LSG1: variants seen among roughly 807,000 people sequenced by gnomAD.
The protein encoded by LSG1 is large subunit GTPase 1 homolog.
In LSG1, 55 loss-of-function variants were observed where a neutral mutation model predicts 82.6. That is an observed-to-expected ratio of 0.67 (90% CI 0.54 to 0.83). The LOEUF (loss-of-function observed/expected upper bound fraction) is 0.83, where lower values mean the gene tolerates loss of function less well. Ranked by LOEUF, LSG1 falls within the 40% of genes least tolerant of loss-of-function variation. The probability of loss-of-function intolerance (pLI) is 0.00; values close to 1 mark genes in which losing one functional copy is unlikely to be tolerated. For synonymous variants in LSG1, 272 were observed against 282.5 expected (o/e 0.96, Z 0.37); for missense variants, 809 against 807.9 (o/e 1.00, Z -0.02).
In LSG1 at chr3:194,651,013, C is replaced by T. The variant is rs374269703; in HGVS notation, c.1287G>A (p.Val429=). Residue 429 remains valine, a synonymous_variant, in exon 10 of 14, where the codon GTG becomes GTA. Coordinates refer to ENST00000265245, the MANE Select transcript of LSG1 (RefSeq NM_018385.3). ...GHTKHFQTLY[V]EPGLCLCDCP... is the part of the protein sequence containing the mutation. Reference sequence around the variant, plus strand: ...AGTCACACAGGCAGAGGCCAGGCTCCACATAGAGAGTCTGGAAGACAAGCA... The same window carrying T: ...AGTCACACAGGCAGAGGCCAGGCTCTACATAGAGAGTCTGGAAGACAAGCA... 2.5e-6 allele frequency: 4 copies of T among 1,613,874 alleles called. No homozygotes were observed. The East Asian group carries it at 8.9e-5, about 36-fold the overall frequency.
At chr3:194,667,943 ATATATATAT>A (rs368323480) in intron 2 of LSG1, among the ~76,000 whole-genome samples, 28 of 62,248 alleles carry the variant, frequency 4.5e-4, no homozygotes, top group African/African-American at 1.9e-3. Context: ...AAAAAAAAAA[ATATATATAT>A]ATATATATAT....
intron 7 of LSG1, among the ~76,000 whole-genome samples, chr3:194,653,523 A>AG (rs1718727857): frequency 6.6e-6 from 1 of 151,694 alleles, no homozygotes; most frequent in Non-Finnish European, 1.5e-5. Context: ...CACAAAAAAA[A>AG]AAAAAAGATG....
In LSG1 at chr3:194,672,130, C is replaced by A; in HGVS notation, c.33G>T (p.Ser11=). 2 of 1,606,740 alleles carry A rather than the reference C, an allele frequency of 1.2e-6. No homozygotes were observed. Residue 11 remains serine, a synonymous_variant, in exon 1 of 14, where the codon TCG becomes TCT. Coordinates refer to ENST00000265245, the MANE Select transcript of LSG1 (RefSeq NM_018385.3). MGRRRAPAGG[S]LGRALMRHQT... is the part of the protein sequence containing the mutation. The stretch of plus-strand genomic sequence containing the variant: ...GATGGCGCATAAGGGCCCGTCCCAG[C>A]GACCCACCGGCCGGGGCTCTCCTCC...
chr3:194,645,868 T>C (rs1357104460), intron 12 of LSG1, among the ~76,000 whole-genome samples: 2 of 152,192 alleles, frequency 1.3e-5, no homozygotes, highest in African/African-American at 4.8e-5. Context: ...TATAAACAGC[T>C]ATACTACAAA....
At chr3:194,662,647 A>G (rs1053443405) in intron 5 of LSG1, among the ~76,000 whole-genome samples, 4 of 152,166 alleles carry the variant, frequency 2.6e-5, no homozygotes, top group African/African-American at 9.7e-5. Context: ...CTGTAATCCC[A>G]GCTACTCGGG....
chr3:194,647,660 T>C (rs970711174), intron 11 of LSG1, among the ~76,000 whole-genome samples: 2 of 152,234 alleles, frequency 1.3e-5, no homozygotes, highest in African/African-American at 4.8e-5. Context: ...TTTTCAGTTG[T>C]ATCGGAAGTA....
intron 10 of LSG1, 138 bp from the exon 11 acceptor site, chr3:194,648,942 G>C: frequency 1.2e-6 from 1 of 828,008 alleles, no homozygotes; most frequent in African/African-American, 1.7e-5. Context: ...GATAGTTTTT[G>C]ATTAATCTAA....
intron 10 of LSG1, among the ~76,000 whole-genome samples, chr3:194,649,876 A>G (rs553059740): frequency 2.4e-4 from 37 of 152,158 alleles, no homozygotes; most frequent in African/African-American, 6.7e-4. Context: ...TTATTAGCTT[A>G]TAAGTAGAGT....
intron 13 of LSG1, 42 bp from the exon 14 acceptor site, chr3:194,642,289 T>C: frequency 1.9e-6 from 3 of 1,579,998 alleles, no homozygotes; most frequent in Non-Finnish European, 1.7e-6. Flanking sequence ...GTCAGCAGGC[T>C]ATCCTTTAAG....
chr3:194,659,048 C>T lies in LSG1; in HGVS notation c.668G>A (p.Ser223Asn), dbSNP rs1718867063. The T allele has an allele frequency of 3.7e-6, 6 of 1,614,228 alleles. No individual in the cohort carries two copies. In the African/African-American group the frequency reaches 4.0e-5, roughly 11 times the overall value. ...KADLLTAEQR[S>N]AWAMYFEKED... Reference sequence around the variant, plus strand: ...TTTTTCGAAGTACATGGCCCAGGCACTCCGCTGCTCAGCAGTCAGCAAGTC... The same window carrying T: ...TTTTTCGAAGTACATGGCCCAGGCATTCCGCTGCTCAGCAGTCAGCAAGTC... The change falls in exon 7 of 14, where the codon AGT (serine) becomes AAT (asparagine). Residue 223 changes from serine (S) to asparagine (N), a missense_variant. Coordinates refer to ENST00000265245, the MANE Select transcript of LSG1 (RefSeq NM_018385.3).
intron 12 of LSG1, chr3:194,645,535 G>GACACACACAC (rs61447438): frequency 7.4e-4 from 26 of 34,992 alleles, no homozygotes; most frequent in African/African-American, 2.1e-3. Context: ...CACACAGACA[G>GACACACACAC]ACACACACAC....
intron 5 of LSG1, among the ~76,000 whole-genome samples, chr3:194,661,212 C>A (rs1333435901): frequency 6.6e-6 from 1 of 152,170 alleles, no homozygotes; most frequent in Non-Finnish European, 1.5e-5. Context: ...TAATTTTGGA[C>A]AAATTGTTTT....
intron 5 of LSG1, among the ~76,000 whole-genome samples, chr3:194,661,048 T>C (rs1718918966): frequency 6.6e-6 from 1 of 152,194 alleles, no homozygotes; most frequent in Non-Finnish European, 1.5e-5. Flanking sequence ...CTTATTCTGT[T>C]AACCAGCCTT....
chr3:194,655,444 C>T (rs1322294242), intron 7 of LSG1, among the ~76,000 whole-genome samples: 1 of 152,012 alleles, frequency 6.6e-6, no homozygotes, highest in East Asian at 1.9e-4. Flanking sequence ...CCAGGAAAGA[C>T]TGGAAACAAT....
chr3:194,642,322 G>A, intron 13 of LSG1, 75 bp from the exon 14 acceptor site: 2 of 1,278,922 alleles, frequency 1.6e-6, no homozygotes, highest in Non-Finnish European at 2.1e-6. Context: ...TACTATTAGT[G>A]GATCACTTCA....
intron 5 of LSG1, among the ~76,000 whole-genome samples, chr3:194,664,282 A>G (rs1173939937): frequency 3.3e-5 from 5 of 152,184 alleles, no homozygotes; most frequent in South Asian, 2.1e-4. Context: ...GCTAAATGTG[A>G]TAAGATTCTT....
chr3:194,642,943 T>C (rs2108613709), intron 13 of LSG1, among the ~76,000 whole-genome samples: 1 of 152,366 alleles, frequency 6.6e-6, no homozygotes, highest in African/African-American at 2.4e-5. Context: ...TCAGTCTCTT[T>C]GAGCCTCAGT....
At chr3:194,660,222 G>C (rs2108619948) in intron 5 of LSG1, 89 bp from the exon 6 acceptor site, 1 of 990,664 alleles carries the variant, frequency 1.0e-6, no homozygotes, top group Non-Finnish European at 1.6e-6. Flanking sequence ...GCAAACCCTG[G>C]CAATATATTA....
At chr3:194,667,939 AAAAATAT>A (rs1171228098) in intron 2 of LSG1, among the ~76,000 whole-genome samples, 1 of 105,396 alleles carries the variant, frequency 9.5e-6, no homozygotes, top group East Asian at 2.4e-4. Flanking sequence ...AAAAAAAAAA[AAAAATAT>A]ATATATATAT....
Sources: allele counts gnomAD v4.1 joint callset (sites outside exome capture counted in the v4.1 genomes callset), GRCh38; gene constraint gnomAD v4.1.1; transcripts MANE v1.5; gene names NCBI Gene and HGNC (gene_info 2026-07-23, HGNC 2026-07-21).